The following CEP63 variants were observed in gnomAD, a reference collection of about 807,000 sequenced individuals.
CEP63 encodes the protein centrosomal protein 63, also known as centrosomal protein of 63 kDa.
A neutral mutation model predicts 89.1 loss-of-function variants in CEP63; 84 were observed. The ratio of observed to expected loss-of-function variants is 0.94; its 90% confidence interval spans 0.79 to 1.13. The LOEUF is 1.13. Among genes scored for constraint, CEP63 ranks in the 50% most tolerant of loss-of-function variants. CEP63 has a pLI of 0.00. For synonymous variants in CEP63, 267 were observed against 272.5 expected, an observed-to-expected ratio of 0.98 and a Z score of 0.20; for missense variants, 838 against 813.3, an observed-to-expected ratio of 1.03 and a Z score of -0.37.
chr3:134,538,505 G>A (rs1197739793), intron 6 of CEP63, among the ~76,000 whole-genome samples: 4 of 104,170 alleles, frequency 3.8e-5, no homozygotes, highest in African/African-American at 1.1e-4. Flanking sequence ...AAGCACCATA[G>A]AGACCTAATA....
At chr3:134,749,428 C>T in the CEP63 span, among the ~76,000 whole-genome samples, 2 of 151,998 alleles carry the variant, frequency 1.3e-5, no homozygotes, top group Admixed American at 1.3e-4. Context: ...TTGCTTGCTG[C>T]AATGATTCAG....
At chr3:134,630,447 C>A in the CEP63 span, among the ~76,000 whole-genome samples, 2 of 152,206 alleles carry the variant, frequency 1.3e-5, no homozygotes, top group Non-Finnish European at 2.9e-5. Flanking sequence ...GAGGCAGACA[C>A]AGTTGTGGGG....
At chr3:134,689,380 A>G in the CEP63 span, among the ~76,000 whole-genome samples, 2 of 152,324 alleles carry the variant, frequency 1.3e-5, no homozygotes, top group Middle Eastern at 3.4e-3. Flanking sequence ...AGTCACATCA[A>G]TGGTGGAGTC....
At chr3:134,763,410 T>C in the CEP63 span, among the ~76,000 whole-genome samples, 1 of 152,192 alleles carries the variant, frequency 6.6e-6, no homozygotes, top group African/African-American at 2.4e-5. Flanking sequence ...ATGTCGAATC[T>C]GCTTTTCTCT....
At chr3:134,624,915 G>A in the CEP63 span, 10 of 733,532 alleles carry the variant, frequency 1.4e-5, no homozygotes, top group Non-Finnish European at 2.1e-5. Flanking sequence ...CCACCCATAT[G>A]CTATGAAAAG....
intron 10 of CEP63, among the ~76,000 whole-genome samples, chr3:134,584,956 G>GTTTT (rs780691730): frequency 0.035 from 1,261 of 35,566 alleles, 68 homozygotes; most frequent in African/African-American, 0.1. Context: ...ATTTTCTAGG[G>GTTTT]TTTTTTTTTT....
At chr3:134,502,327 T>C (rs1160143713) in intron 2 of CEP63, among the ~76,000 whole-genome samples, 2 of 152,108 alleles carry the variant, frequency 1.3e-5, no homozygotes, top group African/African-American at 4.8e-5. Context: ...ATCAGGGTGA[T>C]GTTGGTTTCA....
chr3:134,715,571 A>G, the CEP63 span, among the ~76,000 whole-genome samples: 1 of 148,356 alleles, frequency 6.7e-6, no homozygotes, highest in Non-Finnish European at 1.5e-5. Flanking sequence ...GTTGGGAGGC[A>G]GATAGGCCCG....
At position 134,564,742 on chromosome 3, in the gene CEP63, T is replaced by G. The variant is rs1280414917; in HGVS notation, c.*3207T>G. The G allele has an allele frequency of 1.5e-5, 15 of 985,466 alleles. No individual in the cohort carries two copies. The highest frequency in any genetic ancestry group is 1.2e-5 in the Non-Finnish European group (10 of 829,938). The allele number at this position is 985,466 out of a possible 1,614,324, so 61.0% of individuals were successfully genotyped here. The stretch of plus-strand genomic sequence containing the variant: ...GTTACATTCAGGAGATTTCTGAGTT[T>G]TAGACAGTCCCAAGCTTCAGCTTAA... On this transcript the variant is annotated 3_prime_UTR_variant, in exon 15 of 15. Transcript: ENST00000675561.
intron 1 of CEP63, among the ~76,000 whole-genome samples, chr3:134,489,112 G>GATC (rs984034164): frequency 2.1e-5 from 3 of 143,720 alleles, no homozygotes; most frequent in Non-Finnish European, 4.5e-5. Flanking sequence ...AGTGAGCCGA[G>GATC]ATCACGCCAC....
chr3:134,488,747 G>A (rs1457708610), intron 1 of CEP63, among the ~76,000 whole-genome samples: 1 of 152,188 alleles, frequency 6.6e-6, no homozygotes, highest in Non-Finnish European at 1.5e-5. Flanking sequence ...GGTCCCTGGT[G>A]CCAAAAAGGT....
the CEP63 span, among the ~76,000 whole-genome samples, chr3:134,761,575 C>T: frequency 6.6e-6 from 1 of 152,112 alleles, no homozygotes; most frequent in African/African-American, 2.4e-5. Flanking sequence ...CTGACACGGC[C>T]AACAGCAAAG....
chr3:134,650,965 C>T, the CEP63 span: 2 of 1,613,076 alleles, frequency 1.2e-6, no homozygotes, highest in Non-Finnish European at 1.7e-6. Context: ...CTCCATGATG[C>T]CGCCTCCTTT....
chr3:134,657,716 T>C, the CEP63 span, among the ~76,000 whole-genome samples: 1 of 152,050 alleles, frequency 6.6e-6, no homozygotes, highest in African/African-American at 2.4e-5. Context: ...CTATGACTAT[T>C]TTAAACATTG....
chr3:134,759,261 T>G, the CEP63 span, among the ~76,000 whole-genome samples: 1 of 152,236 alleles, frequency 6.6e-6, no homozygotes, highest in African/African-American at 2.4e-5. Context: ...TCTGACCCTA[T>G]GCCTTATTAT....
chr3:134,656,869 A>G, the CEP63 span, among the ~76,000 whole-genome samples: 1 of 152,228 alleles, frequency 6.6e-6, no homozygotes, highest in Non-Finnish European at 1.5e-5. Context: ...ATTACTAACA[A>G]TTTAGAAAGT....
chr3:134,705,639 T>A, the CEP63 span, among the ~76,000 whole-genome samples: 1 of 152,236 alleles, frequency 6.6e-6, no homozygotes. Context: ...CTCTTTCTTG[T>A]CACCTTGGTG....
At chr3:134,703,963 C>A in the CEP63 span, among the ~76,000 whole-genome samples, 1 of 152,228 alleles carries the variant, frequency 6.6e-6, no homozygotes, top group East Asian at 1.9e-4. Flanking sequence ...TATACTTTCC[C>A]ATTGGCTTCT....
the CEP63 span, among the ~76,000 whole-genome samples, chr3:134,637,825 A>AG: frequency 6.6e-6 from 1 of 152,222 alleles, no homozygotes; most frequent in South Asian, 2.1e-4. Context: ...TCTTTGTGAA[A>AG]GAGTGATCAA....
Sources: allele counts gnomAD v4.1 joint callset (sites outside exome capture counted in the v4.1 genomes callset), GRCh38; gene constraint gnomAD v4.1.1; transcripts MANE v1.5; gene names NCBI Gene and HGNC (gene_info 2026-07-23, HGNC 2026-07-21).